The following NEBL variants were observed in gnomAD, a reference collection of about 807,000 sequenced individuals.
The protein encoded by NEBL is nebulette, also known as LIM and SH3 protein 2.
NEBL carries 122 observed loss-of-function variants against 140.2 expected under a neutral mutation model. The ratio of observed to expected loss-of-function variants is 0.87; its 90% CI spans 0.75 to 1.01. The LOEUF (loss-of-function observed/expected upper bound fraction) is 1.01. Among genes scored for constraint, NEBL ranks in the 50% least tolerant of loss-of-function variants. The pLI is 0.00. For synonymous variants in NEBL, 436 were observed against 398.9 expected, an observed-to-expected ratio of 1.09 and a Z score of -1.11; for missense variants, 1,365 against 1,231.3, an observed-to-expected ratio of 1.11 and a Z score of -1.62.
chr10:21,043,822 C>A (rs1039509058), intron 2 of NEBL, among the ~76,000 whole-genome samples: 3 of 152,120 alleles, frequency 2.0e-5, no homozygotes, highest in East Asian at 1.9e-4. Context: ...GACTATGTAA[C>A]CATATGTAAG....
chr10:21,264,925 A>G (rs1426266175), intron 1 of NEBL, among the ~76,000 whole-genome samples: 1 of 151,224 alleles, frequency 6.6e-6, no homozygotes, highest in Non-Finnish European at 1.5e-5. Context: ...AGCCTCTTTT[A>G]TTTTATTTTA....
chr10:21,145,903 G>A (rs529241095), intron 2 of NEBL, among the ~76,000 whole-genome samples: 537 of 152,200 alleles, frequency 3.5e-3, no homozygotes, highest in African/African-American at 0.013. Flanking sequence ...GGTGAGGCTC[G>A]GCTCTCTGGA....
At position 20,877,725 on chromosome 10, in the gene NEBL, C is replaced by T. The variant is rs3858198; in HGVS notation, c.480+3069G>A. ...CCCCATTTGCATAATATAATTAGGGCGGAGCAAACAGCTTCCTTGCAGTCT... is the reference window on the plus strand; with the variant it reads ...CCCCATTTGCATAATATAATTAGGGTGGAGCAAACAGCTTCCTTGCAGTCT... On this transcript the variant is annotated intron_variant, in intron 5 of 27. Coordinates refer to ENST00000377122, the MANE Select transcript of NEBL (RefSeq NM_006393.3). Among the ~76,000 whole-genome samples the T allele has an allele frequency of 0.55, 83,946 of 151,886 alleles. 24,637 individuals carry two copies. Among genetic ancestry groups the T allele is most frequent in the Non-Finnish European group, 0.64 (43,699 of 67,936 alleles).
chr10:20,890,752 C>T (rs3791203), intron 2 of NEBL, among the ~76,000 whole-genome samples: 96,834 of 152,104 alleles, frequency 0.64, 31,025 homozygotes, highest in Non-Finnish European at 0.65. Flanking sequence ...GGGGAAGACC[C>T]GGGTGGATAT....
At chr10:20,823,430 G>T (rs1439875796) in intron 18 of NEBL, 130 bp from the exon 19 acceptor site, 3 of 644,120 alleles carry the variant, frequency 4.7e-6, no homozygotes, top group Non-Finnish European at 7.7e-6. Flanking sequence ...CTTCACTGGG[G>T]ACATAATTCT....
chr10:20,901,552 A>AAAC, upstream of NEBL, among the ~76,000 whole-genome samples: 1 of 152,310 alleles, frequency 6.6e-6, no homozygotes, highest in East Asian at 1.9e-4. Flanking sequence ...TAAACAATTA[A>AAAC]AACAGATCCA....
At chr10:21,117,675 G>T (rs1456361049) in intron 2 of NEBL, among the ~76,000 whole-genome samples, 2 of 152,148 alleles carry the variant, frequency 1.3e-5, no homozygotes, top group East Asian at 3.9e-4. Context: ...TACGTTGAGA[G>T]AGTAATTTCA....
intron 3 of NEBL, among the ~76,000 whole-genome samples, chr10:21,209,743 A>G (rs376416028): frequency 9.3e-5 from 14 of 150,328 alleles, no homozygotes; most frequent in African/African-American, 2.7e-4. Flanking sequence ...GGTAACAAAC[A>G]TGAGAACAGA....
At position 21,126,540 on chromosome 10, in the gene NEBL, T is replaced by C. The variant is rs536275971; in HGVS notation, c.164+45843A>G. ...TCGTAGAATATTAGCATACACCATC[T>C]TTTTTTCTGGAAGGGAAGCTACAAC... On this transcript the variant is annotated intron_variant, in intron 2 of 6. Transcript: ENST00000417816. Among the ~76,000 whole-genome samples, 3 of 152,260 alleles carry C rather than the reference T, an allele frequency of 2.0e-5. No homozygotes were observed. In the East Asian group the frequency reaches 5.8e-4, roughly 29 times the overall value.
In NEBL at chr10:20,831,232, G is replaced by A; in HGVS notation, c.1635C>T (p.Ile545=). The A allele has an allele frequency of 6.2e-7, 1 of 1,613,576 alleles. No individual in the cohort carries two copies. The stretch of plus-strand genomic sequence containing the variant: ...TTTCAGATGTCCTCTTGGCTCGAAG[G>A]ATATCTGGGATATCCATGCTCACTT... The part of the protein sequence containing the change: ...GMQVSMDIPD[I]LRAKRTSEIY... Residue 545 remains isoleucine (I), a synonymous_variant, in exon 16 of 28, where the codon ATC becomes ATT. Transcript: ENST00000377122.
intron 10 of NEBL, among the ~76,000 whole-genome samples, chr10:20,851,175 G>C (rs1363104752): frequency 6.6e-6 from 1 of 152,004 alleles, no homozygotes; most frequent in Non-Finnish European, 1.5e-5. Context: ...ACAATGGTTG[G>C]CTTTTTAAGC....
chr10:21,085,143 C>T (rs1836565521), intron 2 of NEBL, among the ~76,000 whole-genome samples: 1 of 152,162 alleles, frequency 6.6e-6, no homozygotes, highest in Non-Finnish European at 1.5e-5. Flanking sequence ...TCTAAACTCG[C>T]TTGATTTTCA....
chr10:21,003,480 A>C (rs575712381), intron 3 of NEBL, among the ~76,000 whole-genome samples: 1 of 152,340 alleles, frequency 6.6e-6, no homozygotes, highest in African/African-American at 2.4e-5. Context: ...AGCCATGTCA[A>C]AACATGCACA....
rs893780840 is a variant in NEBL at position 21,236,655 on chromosome 10, C to G, written n.348+11266G>C. Among the ~76,000 whole-genome samples, 6 of 151,968 alleles carry G rather than the reference C, an allele frequency of 3.9e-5. 1 individual carries two copies. The highest frequency in any genetic ancestry group is 3.9e-4 in the Admixed American group (6 of 15,230). Reference sequence around the variant, plus strand: ...TGAGCCACTGTGCCAGGCCACTCACCTACTTTGAAAAAATAAAATCTTTGA... The same window carrying G: ...TGAGCCACTGTGCCAGGCCACTCACGTACTTTGAAAAAATAAAATCTTTGA... On this transcript the variant is annotated intron_variant and non_coding_transcript_variant, in intron 3 of 8. Coordinates refer to the NEBL transcript ENST00000675702.
At chr10:21,194,218 C>T (rs181669935) in intron 3 of NEBL, among the ~76,000 whole-genome samples, 36 of 152,124 alleles carry the variant, frequency 2.4e-4, no homozygotes, top group Admixed American at 1.6e-3. Context: ...GTGATACTTC[C>T]CCCTCAGCTT....
intron 4 of NEBL, among the ~76,000 whole-genome samples, chr10:20,919,482 A>C (rs1212197983): frequency 1.3e-5 from 2 of 152,208 alleles, no homozygotes. Flanking sequence ...TTATAAAGAA[A>C]ATTTCCATTA....
In NEBL at chr10:20,859,974, G is replaced by A. The variant is rs751451981; in HGVS notation, c.685-148C>T. ...CATCGCCTTCTATAAAGCTTAATTA[G>A]GCACAAAAGTTTTTATCTTTAATAA... On this transcript the variant is annotated intron_variant, in intron 7 of 27. Transcript: ENST00000377122. 2.1e-4 allele frequency: 107 copies of A among 510,346 alleles called. 1 individual carries two copies. Among genetic ancestry groups the A allele is most frequent in the Non-Finnish European group, 3.3e-4 (96 of 287,496 alleles). The allele number at this position is 510,346 out of a possible 1,614,324, so 31.6% of individuals were successfully genotyped here.
chr10:21,275,187 C>T (rs1207418660), intron 1 of NEBL, among the ~76,000 whole-genome samples: 3 of 152,230 alleles, frequency 2.0e-5, no homozygotes, highest in Non-Finnish European at 4.4e-5. Context: ...TGGAGCAGAG[C>T]ATCTCTCAAC....
At chr10:21,142,032 C>T (rs763470657) in intron 2 of NEBL, among the ~76,000 whole-genome samples, 35 of 152,170 alleles carry the variant, frequency 2.3e-4, no homozygotes, top group Admixed American at 1.7e-3. Context: ...CCAGCCTGGC[C>T]GGGATTAAAG....
Sources: gnomAD v4.1 joint callset for allele counts (sites outside exome capture counted in the v4.1 genomes callset) on GRCh38, gnomAD v4.1.1 for gene constraint, MANE v1.5 for transcripts, NCBI Gene and HGNC (gene_info 2026-07-23, HGNC 2026-07-21) for gene names.